Variants in SLIT3 observed in about 807,000 individuals in gnomAD.
SLIT3 encodes slit homolog 3 protein.
A neutral mutation model predicts 184.0 loss-of-function variants in SLIT3; 68 were observed. That is an observed-to-expected ratio of 0.37 (90% confidence interval 0.30 to 0.45). The LOEUF (loss-of-function observed/expected upper bound fraction) is 0.45, where lower values mean the gene tolerates loss of function less well. SLIT3 is among the 20% of genes least tolerant of loss of function. The pLI, the probability that SLIT3 is intolerant of heterozygous loss-of-function variation, is 1.00. For synonymous variants in SLIT3, 831 were observed against 828.6 expected, an observed-to-expected ratio of 1.00 and a Z score of -0.05; for missense variants, 1,707 against 2,026.0, an observed-to-expected ratio of 0.84 and a Z score of 3.02.
chr5:168,736,373 A>G (rs1365745757), intron 20 of SLIT3, among the ~76,000 whole-genome samples: 1 of 152,170 alleles, frequency 6.6e-6, no homozygotes, highest in African/African-American at 2.4e-5. Flanking sequence ...TGCTGTGCCC[A>G]GAGCTGGTCC....
At chr5:169,200,289 T>C (rs966692612) in intron 3 of SLIT3, among the ~76,000 whole-genome samples, 4 of 152,206 alleles carry the variant, frequency 2.6e-5, no homozygotes, top group Admixed American at 6.5e-5. Context: ...AAAGTCAAAG[T>C]GTGCTAACCC....
chr5:168,849,461 C>G (rs1005824644), intron 5 of SLIT3, among the ~76,000 whole-genome samples: 2 of 152,184 alleles, frequency 1.3e-5, no homozygotes, highest in African/African-American at 4.8e-5. Flanking sequence ...ACCAAATGTG[C>G]CAAATAAGTG....
chr5:169,068,199 T>A (rs565799998), intron 4 of SLIT3, among the ~76,000 whole-genome samples: 1 of 152,158 alleles, frequency 6.6e-6, no homozygotes, highest in Non-Finnish European at 1.5e-5. Flanking sequence ...CACTATGTTT[T>A]AAGAAGACAG....
intron 12 of SLIT3, among the ~76,000 whole-genome samples, chr5:168,774,908 T>G (rs77969063): frequency 0.19 from 28,465 of 152,050 alleles, 2,915 homozygotes; most frequent in East Asian, 0.34. Flanking sequence ...ACATATGGAT[T>G]CTCTGTCATA....
chr5:169,199,007 A>C (rs1426662994), intron 3 of SLIT3, among the ~76,000 whole-genome samples: 1 of 143,324 alleles, frequency 7.0e-6, no homozygotes, highest in Admixed American at 7.3e-5. Context: ...TATATATATA[A>C]ATACACACAC....
intron 4 of SLIT3, among the ~76,000 whole-genome samples, chr5:169,045,797 T>C (rs138688554): frequency 1.3e-5 from 2 of 152,324 alleles, no homozygotes; most frequent in African/African-American, 4.8e-5. Flanking sequence ...CACTTCATGT[T>C]CCCATAGCAC....
intron 12 of SLIT3, among the ~76,000 whole-genome samples, chr5:168,775,590 G>A (rs1214151471): frequency 6.6e-6 from 1 of 152,082 alleles, no homozygotes; most frequent in East Asian, 1.9e-4. Context: ...TCTACCATTG[G>A]CCTTCCACAC....
At chr5:168,907,631 T>C (rs1035650997) in intron 4 of SLIT3, among the ~76,000 whole-genome samples, 32 of 152,120 alleles carry the variant, frequency 2.1e-4, no homozygotes, top group Non-Finnish European at 5.9e-5. Context: ...GAAATGCATT[T>C]ATTATTTCCT....
intron 4 of SLIT3, among the ~76,000 whole-genome samples, chr5:168,930,165 G>A (rs1336750468): frequency 6.6e-6 from 1 of 152,122 alleles, no homozygotes; most frequent in African/African-American, 2.4e-5. Context: ...AGTGAGGACT[G>A]GGAATTTAAG....
chr5:168,879,980 CATTCTCTGTATTGTCTGAACTTGGAACTA>C (rs1432273182), intron 5 of SLIT3, among the ~76,000 whole-genome samples: 1 of 152,224 alleles, frequency 6.6e-6, no homozygotes, highest in Non-Finnish European at 1.5e-5. Context: ...AATTTGCCAT[CATTCTCTGTATTGTCTGAACTTGGAACTA>C]ATCGTTTTTC....
chr5:168,870,203 TG>T (rs1364470714), intron 5 of SLIT3, among the ~76,000 whole-genome samples: 1 of 152,272 alleles, frequency 6.6e-6, no homozygotes, highest in African/African-American at 2.4e-5. Flanking sequence ...TTTTGATGAC[TG>T]GCTCACGATG....
At chr5:168,695,008 CAGTT>C (rs1200403444) in intron 28 of SLIT3, among the ~76,000 whole-genome samples, 8 of 152,176 alleles carry the variant, frequency 5.3e-5, no homozygotes, top group African/African-American at 1.9e-4. Flanking sequence ...GTGGTTTTCT[CAGTT>C]GGTGGTGGTA....
At chr5:169,034,518 C>T (rs944798082) in intron 4 of SLIT3, among the ~76,000 whole-genome samples, 1 of 152,140 alleles carries the variant, frequency 6.6e-6, no homozygotes, top group African/African-American at 2.4e-5. Flanking sequence ...ATCCTTTTCC[C>T]ATTGTGTCCT....
chr5:168,748,216 CCTTG>C, intron 20 of SLIT3, 82 bp downstream of exon 20: 1 of 1,385,634 alleles, frequency 7.2e-7, no homozygotes, highest in East Asian at 2.8e-5. Flanking sequence ...CGCCATGTTG[CCTTG>C]CTTGAGATTC....
rs553124830 is a variant in SLIT3, at chr5:168,710,980, C to T, written c.2634G>A (p.Glu878=). 4.5e-6 allele frequency: 7 copies of T among 1,569,344 alleles called. No homozygotes were observed. The Admixed American group carries it at 9.3e-5, about 21-fold the overall frequency. Residue 878 remains glutamate, a synonymous_variant, in exon 25 of 36, where the codon GAG becomes GAA. Coordinates refer to ENST00000519560, the MANE Select transcript of SLIT3 (RefSeq NM_003062.4). ...LSEWVKAGYK[E]PGIARCSSPE... is the part of the protein sequence containing the mutation. ...GGCTACTGCAGCGGGCGATGCCAGG[C>T]TCCTTGTACCCCGCCTTCACCCACT...
chr5:168,870,097 A>G (rs950530828), intron 5 of SLIT3, among the ~76,000 whole-genome samples: 2 of 152,224 alleles, frequency 1.3e-5, no homozygotes, highest in African/African-American at 2.4e-5. Context: ...AGAGACCCAC[A>G]TGTACCATGA....
intron 3 of SLIT3, among the ~76,000 whole-genome samples, chr5:169,208,572 G>C (rs1764152746): frequency 6.6e-6 from 1 of 152,066 alleles, no homozygotes; most frequent in Non-Finnish European, 1.5e-5. Flanking sequence ...GCATGGTACT[G>C]GTACCAAAAC....
Position 168,684,097 on chromosome 5 carries a change from C to G in SLIT3, c.3556-1G>C, listed in dbSNP as rs1355084675. 2.5e-6 allele frequency: 4 copies of G among 1,589,600 alleles called. No individual in the cohort carries two copies. The highest frequency in any genetic ancestry group is 3.4e-6 in the Non-Finnish European group (4 of 1,166,508). ...TGCCGTTGTCCTTGTCAGTGGCCAC[C>G]TGGAGAAAGCAGCCGGGGCGTGTTA... On this transcript the variant is annotated splice_acceptor_variant, in intron 31 of 35. Transcript: ENST00000519560. LOFTEE classifies it high-confidence loss of function.
intron 4 of SLIT3, among the ~76,000 whole-genome samples, chr5:169,049,689 T>C (rs1757751372): frequency 6.6e-6 from 1 of 152,196 alleles, no homozygotes; most frequent in South Asian, 2.1e-4. Flanking sequence ...GAAGATCTAT[T>C]GTAGCGGTAA....
Sources: allele counts gnomAD v4.1 joint callset (sites outside exome capture counted in the v4.1 genomes callset), GRCh38; gene constraint gnomAD v4.1.1; transcripts MANE v1.5; gene names NCBI Gene and HGNC (gene_info 2026-07-23, HGNC 2026-07-21).